Variants in CLIC4 observed in about 807,000 individuals in gnomAD.
CLIC4 encodes chloride intracellular channel protein 4.
Under a neutral mutation model 24.6 loss-of-function variants are expected in CLIC4, and 13 were observed. The observed-to-expected ratio is 0.53, with a 90% CI of 0.34 to 0.84. The LOEUF is 0.84. Ranked by LOEUF, CLIC4 falls within the 40% of genes least tolerant of loss-of-function variation. CLIC4 has a pLI of 0.01. For synonymous variants in CLIC4, 104 were observed against 111.3 expected, an observed-to-expected ratio of 0.93 and a Z score of 0.41; for missense variants, 227 against 301.7, an observed-to-expected ratio of 0.75 and a Z score of 1.83.
At chr1:24,746,008 C>T (rs1571224091) in intron 1 of CLIC4, among the ~76,000 whole-genome samples, 1 of 151,164 alleles carries the variant, frequency 6.6e-6, no homozygotes, top group Admixed American at 6.6e-5. Flanking sequence ...CCCGGCCCCA[C>T]CCGCTCCCCA....
intron 3 of CLIC4, among the ~76,000 whole-genome samples, chr1:24,816,111 A>G (rs946334680): frequency 2.0e-5 from 3 of 151,918 alleles, no homozygotes; most frequent in Non-Finnish European, 4.4e-5. Flanking sequence ...ACACATATGT[A>G]GTTCCTCCCT....
chr1:24,775,293 A>G (rs1571237675), intron 1 of CLIC4, among the ~76,000 whole-genome samples: 1 of 80,660 alleles, frequency 1.2e-5, no homozygotes, highest in Non-Finnish European at 2.4e-5. Context: ...CATTATTTGT[A>G]TTGAATCTGC....
intron 1 of CLIC4, among the ~76,000 whole-genome samples, chr1:24,752,295 T>C (rs1638785969): frequency 6.6e-6 from 1 of 152,104 alleles, no homozygotes; most frequent in Non-Finnish European, 1.5e-5. Flanking sequence ...TAATAAGTTA[T>C]CCCCCCACAA....
intron 3 of CLIC4, among the ~76,000 whole-genome samples, chr1:24,821,816 G>A (rs902445396): frequency 4.9e-4 from 75 of 152,246 alleles, no homozygotes; most frequent in African/African-American, 1.7e-3. Context: ...GAACTCCTGG[G>A]CTCAAGCCAT....
Position 24,805,101 on chromosome 1 carries a change from A to AAC in CLIC4, c.182+7251_182+7252insCA, listed in dbSNP as rs1553192966. ...GACTCCATGTCAAAAAAAAAAAAAA[A>AAC]AAAACACAAAAACAAAGACAAACGA... On this transcript the variant is annotated intron_variant, in intron 2 of 5. Transcript: ENST00000374379. 5.5e-5 allele frequency among the ~76,000 whole-genome samples: 8 copies of AAC among 144,720 alleles called. No individual in the cohort carries two copies. In the East Asian group the frequency reaches 5.9e-4, roughly 11 times the overall value. 94.9% of individuals were successfully genotyped at this position (144,720 alleles called of 152,430 possible). A position where few individuals can be genotyped will look rare whatever the true frequency, so the allele number is the denominator to read the frequency against.
intron 2 of CLIC4, among the ~76,000 whole-genome samples, chr1:24,808,746 G>A (rs142276151): frequency 1.5e-3 from 225 of 149,542 alleles, no homozygotes; most frequent in African/African-American, 5.3e-3. Context: ...GCGCGATCTC[G>A]GCTCACTGCA....
chr1:24,765,391 G>C (rs1329594821), intron 1 of CLIC4, among the ~76,000 whole-genome samples: 1 of 152,076 alleles, frequency 6.6e-6, no homozygotes, highest in African/African-American at 2.4e-5. Flanking sequence ...GGGAGGAAAA[G>C]AAGAACTAAA....
chr1:24,829,784 C>G (rs1639821827), intron 4 of CLIC4, among the ~76,000 whole-genome samples: 1 of 152,160 alleles, frequency 6.6e-6, no homozygotes, highest in Non-Finnish European at 1.5e-5. Context: ...TCTCCTTTCT[C>G]CTCTCCCCAC....
At chr1:24,763,670 T>G (rs1300166792) in intron 1 of CLIC4, among the ~76,000 whole-genome samples, 1 of 152,110 alleles carries the variant, frequency 6.6e-6, no homozygotes, top group Non-Finnish European at 1.5e-5. Context: ...CCAGCTAAAT[T>G]GAACTCTTCT....
chr1:24,745,532 G>A lies in CLIC4; in HGVS notation c.-22G>A, dbSNP rs1244478769. Reference sequence around the variant, plus strand: ...GCAGCAGCAGCAGCCCTCGCCGTTCGCGGAGCGCAGCCGAGCCGGCCATGG... The same window carrying A: ...GCAGCAGCAGCAGCCCTCGCCGTTCACGGAGCGCAGCCGAGCCGGCCATGG... On this transcript the variant is annotated 5_prime_UTR_variant, in exon 1 of 6. Transcript: ENST00000374379. 6.4e-7 allele frequency: 1 copy of A among 1,572,236 alleles called. No homozygotes were observed. The highest frequency in any genetic ancestry group is 1.8e-5 in the Admixed American group (1 of 54,232).
chr1:24,825,174 A>G (rs1054655420), intron 3 of CLIC4, among the ~76,000 whole-genome samples: 2 of 152,362 alleles, frequency 1.3e-5, no homozygotes, highest in African/African-American at 2.4e-5. Context: ...TTTAAGAACT[A>G]TGAGGCTTAC....
At chr1:24,758,540 C>G (rs1045447682) in intron 1 of CLIC4, among the ~76,000 whole-genome samples, 1 of 152,068 alleles carries the variant, frequency 6.6e-6, no homozygotes, top group African/African-American at 2.4e-5. Flanking sequence ...TCACTGCAAC[C>G]TCCACCTCCT....
chr1:24,796,989 C>G (rs1639412554), intron 1 of CLIC4, among the ~76,000 whole-genome samples: 2 of 149,040 alleles, frequency 1.3e-5, no homozygotes, highest in African/African-American at 4.9e-5. Flanking sequence ...GAGTCTCGCT[C>G]TGTCGCCCAG....
chr1:24,746,767 C>T (rs936832121), intron 1 of CLIC4, among the ~76,000 whole-genome samples: 2 of 151,052 alleles, frequency 1.3e-5, no homozygotes, highest in Non-Finnish European at 3.0e-5. Flanking sequence ...GCAGCACTTT[C>T]GGAGGCCGAG....
At chr1:24,808,467 GAA>G (rs1639576710) in intron 2 of CLIC4, among the ~76,000 whole-genome samples, 1 of 151,996 alleles carries the variant, frequency 6.6e-6, no homozygotes, top group Admixed American at 6.6e-5. Flanking sequence ...ATAATGACAA[GAA>G]AAAGTCTGTA....
At position 24,792,725 on chromosome 1, in the gene CLIC4, T is replaced by C. The variant is rs113803610; in HGVS notation, c.73-5017T>C. ...TGAAGGAAAGTGCTTATTAGGCGTA[T>C]GAGATGTGTAACGAGCTTCTGATAT... On this transcript the variant is annotated intron_variant, in intron 1 of 5. Transcript: ENST00000374379. Among the ~76,000 whole-genome samples, 682 of 152,276 alleles carry C rather than the reference T, an allele frequency of 4.5e-3. 2 individuals are homozygous for C. The highest frequency in any genetic ancestry group is 7.6e-3 in the Non-Finnish European group (516 of 68,018).
intron 1 of CLIC4, among the ~76,000 whole-genome samples, chr1:24,757,114 G>A (rs1638862015): frequency 6.6e-6 from 1 of 151,966 alleles, no homozygotes; most frequent in Non-Finnish European, 1.5e-5. Context: ...AAGCTAGTCT[G>A]TACCTCTAGA....
intron 1 of CLIC4, among the ~76,000 whole-genome samples, chr1:24,750,233 A>T (rs891145476): frequency 3.3e-5 from 5 of 152,154 alleles, no homozygotes; most frequent in Admixed American, 3.3e-4. Context: ...TGACAGAACA[A>T]GACCCTGTCT....
intron 3 of CLIC4, among the ~76,000 whole-genome samples, chr1:24,815,513 C>T (rs1051946406): frequency 6.6e-6 from 1 of 151,918 alleles, no homozygotes; most frequent in African/African-American, 2.4e-5. Flanking sequence ...AAAAAAAAAT[C>T]ATTGCTAAAA....
Sources: allele counts gnomAD v4.1 joint callset (sites outside exome capture counted in the v4.1 genomes callset), GRCh38; gene constraint gnomAD v4.1.1; transcripts MANE v1.5; gene names NCBI Gene and HGNC (gene_info 2026-07-23, HGNC 2026-07-21).